The following PTPRN2 variants were observed in gnomAD, a reference collection of about 807,000 sequenced individuals.
The protein encoded by PTPRN2 is protein tyrosine phosphatase receptor type N2, also known as receptor-type tyrosine-protein phosphatase N2.
A neutral mutation model predicts 118.8 loss-of-function variants in PTPRN2; 74 were observed. The ratio of observed to expected loss-of-function variants is 0.62; its 90% CI spans 0.52 to 0.76. PTPRN2 has a LOEUF of 0.76. PTPRN2 is among the 30% of genes least tolerant of loss of function. PTPRN2 has a pLI of 0.00. For missense variants in PTPRN2, 1,481 were observed against 1,394.4 expected, an observed-to-expected ratio of 1.06 and a Z score of -0.99; for synonymous variants, 641 against 608.0, an observed-to-expected ratio of 1.05 and a Z score of -0.80.
intron 1 of PTPRN2, among the ~76,000 whole-genome samples, chr7:158,548,727 T>A (rs1424565095): frequency 1.3e-5 from 2 of 152,088 alleles, no homozygotes; most frequent in Non-Finnish European, 2.9e-5. Flanking sequence ...GACTTCACAC[T>A]CCCCCAGCAT....
chr7:157,920,787 G>A (rs1345285565), intron 11 of PTPRN2, among the ~76,000 whole-genome samples: 1 of 152,138 alleles, frequency 6.6e-6, no homozygotes, highest in African/African-American at 2.4e-5. Flanking sequence ...AAAGTTAGAT[G>A]TAAAATGCCA....
At chr7:158,587,446 G>GC (rs1554541376) in intron 1 of PTPRN2, 112 bp downstream of exon 1, 1 of 66,906 alleles carries the variant, frequency 1.5e-5, no homozygotes. Flanking sequence ...CTCTCCCCCC[G>GC]ACCCCTCAGG....
chr7:157,696,851 C>T (rs779227702), intron 12 of PTPRN2, among the ~76,000 whole-genome samples: 57 of 107,406 alleles, frequency 5.3e-4, no homozygotes, highest in African/African-American at 2.0e-3. Flanking sequence ...GAGCCCTCAC[C>T]GTCTACACAT....
At chr7:157,613,844 C>T (rs1279394541) in intron 15 of PTPRN2, among the ~76,000 whole-genome samples, 5 of 152,118 alleles carry the variant, frequency 3.3e-5, no homozygotes, top group African/African-American at 1.2e-4. Flanking sequence ...CGTCCTGCGG[C>T]CCCCCCACAG....
At chr7:158,141,570 A>G (rs1209398689) in intron 6 of PTPRN2, among the ~76,000 whole-genome samples, 2 of 152,322 alleles carry the variant, frequency 1.3e-5, no homozygotes, top group Admixed American at 1.3e-4. Context: ...TCTCTTGCCC[A>G]TTAATTGAAG....
At position 158,146,792 on chromosome 7, in the gene PTPRN2, A is replaced by T. The variant is rs544541608; in HGVS notation, c.911-8277T>A. Among the ~76,000 whole-genome samples the T allele has an allele frequency of 5.3e-5, 8 of 151,526 alleles. No homozygotes were observed. The South Asian group carries it at 1.7e-3, about 31-fold the overall frequency. On this transcript the variant is annotated intron_variant, in intron 6 of 22. Coordinates refer to ENST00000389418, the MANE Select transcript of PTPRN2 (RefSeq NM_002847.5). The stretch of plus-strand genomic sequence containing the variant: ...GCTTCATTTTCTTGAGGGCTACAAC[A>T]TTGTTCTCACACCAGCACAGACACA...
intron 15 of PTPRN2, chr7:157,614,126 G>C (rs917398): frequency 0.06 from 28,368 of 470,808 alleles, 1,282 homozygotes; most frequent in East Asian, 0.23. Flanking sequence ...AAGGAGGACG[G>C]AGAGGAGGGG....
chr7:158,150,910 T>C (rs1331433725), intron 6 of PTPRN2, among the ~76,000 whole-genome samples: 1 of 151,880 alleles, frequency 6.6e-6, no homozygotes, highest in African/African-American at 2.4e-5. Context: ...TTGCAGCAAA[T>C]GGGCCCCACA....
At chr7:157,715,187 A>G (rs920470665) in intron 12 of PTPRN2, among the ~76,000 whole-genome samples, 7 of 152,138 alleles carry the variant, frequency 4.6e-5, no homozygotes, top group Non-Finnish European at 1.0e-4. Context: ...AGGGTGGGAG[A>G]GAAATACCGA....
intron 11 of PTPRN2, among the ~76,000 whole-genome samples, chr7:158,008,240 A>G (rs772306614): frequency 6.6e-6 from 1 of 152,124 alleles, no homozygotes; most frequent in Non-Finnish European, 1.5e-5. Context: ...TGAGGAATGA[A>G]CGGATCCATG....
intron 2 of PTPRN2, among the ~76,000 whole-genome samples, chr7:158,424,286 C>T (rs1815503326): frequency 6.6e-6 from 1 of 152,200 alleles, no homozygotes; most frequent in African/African-American, 2.4e-5. Flanking sequence ...GGAAGAAAAG[C>T]AATAATGAAG....
At position 157,550,111 on chromosome 7, in the gene PTPRN2, C is replaced by T. The variant is rs148302739; in HGVS notation, c.2903-1092G>A. 3.1e-4 allele frequency among the ~76,000 whole-genome samples: 47 copies of T among 152,322 alleles called. No individual in the cohort carries two copies. Among genetic ancestry groups the T allele is most frequent in the African/African-American group, 1.1e-3 (44 of 41,574 alleles). ...TGGTCCCCAGGCCTTTCTCTCCGGC[C>T]GCAACCTGAGTGCACACCACATTCC... On this transcript the variant is annotated intron_variant, in intron 21 of 22. Transcript: ENST00000389418. The surrounding 1 kb of genome is among the most constrained non-coding windows in gnomAD (Gnocchi z 5.2).
At chr7:158,441,072 ATGGTGGTGCTGG>A (rs1223045268) in intron 2 of PTPRN2, among the ~76,000 whole-genome samples, 1 of 102,282 alleles carries the variant, frequency 9.8e-6, no homozygotes, top group African/African-American at 4.1e-5. Context: ...GGTGGTAGTG[ATGGTGGTGCTGG>A]TGGTAGTGAT....
Position 158,063,817 on chromosome 7 carries a change from C to T in PTPRN2, c.1723+17481G>A, listed in dbSNP as rs549445401. On this transcript the variant is annotated intron_variant, in intron 11 of 22. Transcript: ENST00000389418. ...CAGTGAGACCAAGAACCCACCCATT[C>T]TGGACACAGCAGGTCAGGGAATGGG... Among the ~76,000 whole-genome samples the T allele has an allele frequency of 6.6e-5, 10 of 152,364 alleles. 1 individual carries two copies. The highest frequency in any genetic ancestry group is 2.4e-4 in the African/African-American group (10 of 41,584).
At position 157,987,459 on chromosome 7, in the gene PTPRN2, G is replaced by T. The variant is rs1803889044; in HGVS notation, c.1724-88722C>A. 6.6e-6 allele frequency among the ~76,000 whole-genome samples: 1 copy of T among 152,078 alleles called. No individual in the cohort carries two copies. The highest frequency in any genetic ancestry group is 2.4e-5 in the African/African-American group (1 of 41,476). ...GTGAGATGACAGGTCATTAATGGGG[G>T]CGTAGTGTCCGGTCACTAATAGGGT... On this transcript the variant is annotated intron_variant, in intron 11 of 22. Coordinates refer to ENST00000389418, the MANE Select transcript of PTPRN2 (RefSeq NM_002847.5). This position sits in a 1 kb window ranked among gnomAD's most constrained non-coding sequence, Gnocchi z 4.3.
chr7:157,718,763 T>TGA (rs533993889), intron 12 of PTPRN2, among the ~76,000 whole-genome samples: 40 of 150,600 alleles, frequency 2.7e-4, no homozygotes, highest in African/African-American at 9.8e-4. Flanking sequence ...GGCCCCGGGG[T>TGA]GAGTCTCAGC....
chr7:158,195,547 C>T (rs1038733217), intron 4 of PTPRN2, among the ~76,000 whole-genome samples: 1 of 151,514 alleles, frequency 6.6e-6, no homozygotes, highest in South Asian at 2.1e-4. Flanking sequence ...CTGTTCCTGT[C>T]TCTCCCGCCT....
intron 3 of PTPRN2, among the ~76,000 whole-genome samples, chr7:158,308,545 C>T (rs752664279): frequency 4.6e-5 from 7 of 151,966 alleles, no homozygotes; most frequent in Non-Finnish European, 1.0e-4. Flanking sequence ...TGTTGATAAA[C>T]ATACAATCTA....
At chr7:158,089,428 A>G (rs373654661) in intron 10 of PTPRN2, among the ~76,000 whole-genome samples, 12 of 37,176 alleles carry the variant, frequency 3.2e-4, no homozygotes, top group South Asian at 4.2e-3. Flanking sequence ...CTGAGGAAAG[A>G]GGGAGTCTTC....
Sources: allele counts gnomAD v4.1 joint callset (sites outside exome capture counted in the v4.1 genomes callset), GRCh38; gene constraint gnomAD v4.1.1; non-coding constraint Gnocchi (gnomAD v3.1); transcripts MANE v1.5; gene names NCBI Gene and HGNC (gene_info 2026-07-23, HGNC 2026-07-21).